The following CTDP1 variants were observed in gnomAD, a reference collection of about 807,000 sequenced individuals.
The protein encoded by CTDP1 is CTD phosphatase 1, also known as RNA polymerase II subunit A C-terminal domain phosphatase.
In CTDP1, 47 loss-of-function variants were observed where a neutral mutation model predicts 91.8. The ratio of observed to expected loss-of-function variants is 0.51; its 90% CI spans 0.41 to 0.65. The LOEUF (loss-of-function observed/expected upper bound fraction) is 0.65, where lower values mean the gene tolerates loss of function less well. Ranked by LOEUF, CTDP1 falls within the 30% of genes least tolerant of loss-of-function variation. CTDP1 has a pLI of 0.00. For missense variants in CTDP1, 1,272 were observed against 1,373.7 expected (o/e 0.93, Z 1.17); for synonymous variants, 656 against 598.5 (o/e 1.10, Z -1.40).
Position 79,715,396 on chromosome 18 carries a change from C to G in CTDP1, c.1936C>G (p.Pro646Ala). ...GGCCATAATTTTCAGTGGGCTACAC[C>G]CGACAAACTTCCCGATAGAGAAGAC... Reference protein sequence around the residue: ...DVAIIFSGLHPTNFPIEKTRE... With the variant: ...DVAIIFSGLHATNFPIEKTRE... The change falls in exon 8 of 13, where the codon CCG becomes GCG. Residue 646 changes from proline (P) to alanine (A), a missense_variant. Pro to Ala is a conservative substitution (Grantham distance 27). Transcript: ENST00000613122. 1 of 1,604,934 alleles carries G rather than the reference C, an allele frequency of 6.2e-7. No individual in the cohort carries two copies. The highest frequency in any genetic ancestry group is 8.5e-7 in the Non-Finnish European group (1 of 1,175,696).
rs1426548317 is a variant in CTDP1, at chr18:79,715,060, G to A, written c.1600G>A (p.Glu534Lys). 3.1e-6 allele frequency: 5 copies of A among 1,611,464 alleles called. No homozygotes were observed. Among genetic ancestry groups the A allele is most frequent in the Non-Finnish European group, 4.2e-6 (5 of 1,179,376 alleles). The part of the protein sequence containing the change: ...PDKEPELGGQ[E>K]EGERDGLCGL... ...CAAGGAGCCTGAGCTGGGTGGGCAG[G>A]AGGAGGGCGAGCGGGATGGCCTCTG... The change falls in exon 8 of 13, where the codon GAG (glutamate) becomes AAG (lysine). Residue 534 changes from glutamate to lysine, a missense_variant. This residue lies in a region of CTDP1 where 881 missense variants were observed against 911.6 expected (regional missense o/e 0.97). Transcript: ENST00000613122.
upstream of CTDP1, chr18:79,679,590 A>C (rs1373184365): frequency 6.4e-6 from 3 of 470,336 alleles, no homozygotes; most frequent in Non-Finnish European, 1.3e-5. Context: ...CGTCACTGGG[A>C]CTGGGCGACA....
intron 12 of CTDP1, among the ~76,000 whole-genome samples, chr18:79,743,242 A>G (rs2086814521): frequency 6.6e-6 from 1 of 152,070 alleles, no homozygotes; most frequent in Admixed American, 6.6e-5. Context: ...ACAGTGAAGC[A>G]AGGCCGAGCA....
Position 79,713,991 on chromosome 18 carries a change from A to G in CTDP1, c.1031-500A>G, listed in dbSNP as rs2086138236. On this transcript the variant is annotated intron_variant, in intron 7 of 12. Coordinates refer to ENST00000613122, the MANE Select transcript of CTDP1 (RefSeq NM_004715.5). This position sits in a 1 kb window ranked among gnomAD's most constrained non-coding sequence, Gnocchi z 4.7. ...GCCAGGTCTGCAGGGGCTTACGGCCACGGTGGTGCCAGGTCTGCAGGGGCT... is the reference window on the plus strand; with the variant it reads ...GCCAGGTCTGCAGGGGCTTACGGCCGCGGTGGTGCCAGGTCTGCAGGGGCT... Among the ~76,000 whole-genome samples, 1 of 105,446 alleles carries G rather than the reference A, an allele frequency of 9.5e-6. No individual in the cohort carries two copies. The highest frequency in any genetic ancestry group is 9.1e-5 in the Admixed American group (1 of 10,970). The allele number at this position is 105,446 out of a possible 152,430, so 69.2% of individuals were successfully genotyped here. A position where few individuals can be genotyped will look rare whatever the true frequency, so the allele number is the denominator to read the frequency against.
intron 10 of CTDP1, among the ~76,000 whole-genome samples, chr18:79,719,872 C>T (rs1328545313): frequency 6.8e-6 from 1 of 146,776 alleles, no homozygotes; most frequent in African/African-American, 2.5e-5. Flanking sequence ...TGTCACCTCC[C>T]ATTAGGAAGG....
At chr18:79,730,569 C>T (rs968876218) in intron 11 of CTDP1, among the ~76,000 whole-genome samples, 4 of 152,206 alleles carry the variant, frequency 2.6e-5, no homozygotes, top group Non-Finnish European at 5.9e-5. Flanking sequence ...TAATCGTAAC[C>T]CCCCAGATGT....
rs1221991409 is a variant in CTDP1 at position 79,715,155 on chromosome 18, G to T, written c.1695G>T (p.Gly565=). ...ETESQNSELS[G]VTAGESLDQS... is the part of the protein sequence containing the mutation. ...AGTCACAGAACAGCGAGCTGTCGGG[G>T]GTCACTGCGGGTGAGTCCCTGGACC... The change falls in exon 8 of 13, where the codon GGG becomes GGT. Residue 565 remains glycine (G), a synonymous_variant. Transcript: ENST00000613122. 1 of 1,613,492 alleles carries T rather than the reference G, an allele frequency of 6.2e-7. No homozygotes were observed. Among genetic ancestry groups the T allele is most frequent in the Admixed American group, 1.7e-5 (1 of 59,970 alleles).
intron 11 of CTDP1, among the ~76,000 whole-genome samples, chr18:79,734,660 A>G (rs1218545790): frequency 3.3e-5 from 5 of 152,266 alleles, no homozygotes; most frequent in African/African-American, 1.2e-4. Context: ...CAAGTGTAAA[A>G]TAACAGATTT....
intron 5 of CTDP1, among the ~76,000 whole-genome samples, chr18:79,706,598 T>C (rs939552514): frequency 6.6e-6 from 1 of 152,232 alleles, no homozygotes; most frequent in African/African-American, 2.4e-5. Flanking sequence ...TTTGTCTTAA[T>C]ATATGTACAA....
intron 2 of CTDP1, 54 bp from the exon 3 acceptor site, chr18:79,695,923 C>T: frequency 7.3e-7 from 1 of 1,378,886 alleles, no homozygotes. Context: ...GCCCAGTGTG[C>T]ATCTGTGCGC....
chr18:79,677,313 A>G (rs1241668934), upstream of CTDP1: 3 of 152,268 alleles, frequency 2.0e-5, no homozygotes, highest in Admixed American at 1.3e-4. Context: ...AATTGAGCAA[A>G]GAATGATTCA....
At position 79,715,248 on chromosome 18, in the gene CTDP1, C is replaced by T; in HGVS notation, c.1788C>T (p.Ile596=). ...ACCACCTCATCTACCTGGAGGAGAT[C>T]CTGGTCCGTGTACACACTGACTACT... ...EDDHLIYLEE[I]LVRVHTDYYA... The change falls in exon 8 of 13, where the codon ATC becomes ATT. Residue 596 remains isoleucine (I), a synonymous_variant. Transcript: ENST00000613122. The T allele has an allele frequency of 6.2e-7, 1 of 1,610,668 alleles. No homozygotes were observed. Among genetic ancestry groups the T allele is most frequent in the East Asian group, 2.2e-5 (1 of 44,746 alleles).
At chr18:79,718,094 C>T (rs977235499) in intron 10 of CTDP1, 78 bp downstream of exon 10, 35 of 1,538,882 alleles carry the variant, frequency 2.3e-5, no homozygotes, top group African/African-American at 2.0e-4. Flanking sequence ...GGGGGGATGG[C>T]GTCAGTTGCC....
chr18:79,695,252 C>T lies in CTDP1; in HGVS notation c.342C>T (p.Cys114=). The T allele has an allele frequency of 6.2e-7, 1 of 1,614,158 alleles. No homozygotes were observed. Among genetic ancestry groups the T allele is most frequent in the Non-Finnish European group, 8.5e-7 (1 of 1,180,026 alleles). Reference sequence around the variant, plus strand: ...CGGTTCTGGTGAGGTTGGAAGGATGCAGCCACCCGGTTGTCATGAAAGGCC... The same window carrying T: ...CGGTTCTGGTGAGGTTGGAAGGATGTAGCCACCCGGTTGTCATGAAAGGCC... ...PGAVLVRLEG[C]SHPVVMKGLC... The change falls in exon 2 of 13, where the codon TGC becomes TGT. Residue 114 remains cysteine, a synonymous_variant. Coordinates refer to ENST00000613122, the MANE Select transcript of CTDP1 (RefSeq NM_004715.5).
intron 6 of CTDP1, among the ~76,000 whole-genome samples, chr18:79,712,307 G>A (rs146206459): frequency 2.6e-5 from 4 of 152,064 alleles, no homozygotes; most frequent in African/African-American, 4.8e-5. Context: ...TTTTTGAGAC[G>A]GTCTGGCTCG....
chr18:79,715,369 G>A lies in CTDP1; in HGVS notation c.1909G>A (p.Val637Met), dbSNP rs1278372362. 3 of 1,608,378 alleles carry A rather than the reference G, an allele frequency of 1.9e-6. No individual in the cohort carries two copies. Among genetic ancestry groups the A allele is most frequent in the East Asian group, 2.2e-5 (1 of 44,652 alleles). ...PELKSKVLAD[V>M]AIIFSGLHPT... ...GCTCAAGAGCAAGGTGCTGGCAGAC[G>A]TGGCCATAATTTTCAGTGGGCTACA... Residue 637 changes from valine to methionine, a missense_variant, in exon 8 of 13, where the codon GTG (valine) becomes ATG (methionine). Val to Met is a conservative substitution (Grantham distance 21). This residue lies in a region of CTDP1 where 881 missense variants were observed against 911.6 expected (regional missense o/e 0.97). Transcript: ENST00000613122.
chr18:79,718,343 C>T (rs541223900), intron 10 of CTDP1, among the ~76,000 whole-genome samples: 95 of 152,314 alleles, frequency 6.2e-4, no homozygotes, highest in African/African-American at 9.4e-4. Context: ...CGAGCAGAGC[C>T]GGGCTGGTTC....
chr18:79,753,939 G>T lies in CTDP1; in HGVS notation c.*149G>T, dbSNP rs1481859606. Reference sequence around the variant, plus strand: ...TCCACATACAGAAACACATTATTTTGCAGAAATAGGTGTTTTTAAGAAGTT... The same window carrying T: ...TCCACATACAGAAACACATTATTTTTCAGAAATAGGTGTTTTTAAGAAGTT... On this transcript the variant is annotated 3_prime_UTR_variant, in exon 13 of 13. Transcript: ENST00000613122. The T allele has an allele frequency of 1.2e-5, 13 of 1,110,550 alleles. No individual in the cohort carries two copies. Among genetic ancestry groups the T allele is most frequent in the Non-Finnish European group, 1.7e-5 (13 of 781,960 alleles). The allele number at this position is 1,110,550 out of a possible 1,614,324, so 68.8% of individuals were successfully genotyped here.
chr18:79,723,550 G>A (rs2086387719), intron 10 of CTDP1, among the ~76,000 whole-genome samples: 1 of 152,230 alleles, frequency 6.6e-6, no homozygotes. Flanking sequence ...GCTCACTGGG[G>A]ACCTGGGGGT....
Sources: allele counts gnomAD v4.1 joint callset (sites outside exome capture counted in the v4.1 genomes callset), GRCh38; gene constraint gnomAD v4.1.1; regional missense constraint gnomAD v4.1.1; non-coding constraint Gnocchi (gnomAD v3.1); transcripts MANE v1.5; gene names NCBI Gene and HGNC (gene_info 2026-07-23, HGNC 2026-07-21).